FMO5: variants seen among roughly 807,000 people sequenced by gnomAD.
FMO5 encodes flavin containing dimethylaniline monoxygenase 5, also known as flavin-containing monooxygenase 5.
FMO5 carries 51 observed loss-of-function variants against 43.6 expected under a neutral mutation model. The ratio of observed to expected loss-of-function variants is 1.17; its 90% CI spans 0.93 to 1.48. The LOEUF (loss-of-function observed/expected upper bound fraction) is 1.48. Among genes scored for constraint, FMO5 ranks in the 40% most tolerant of loss-of-function variants. The pLI is 0.00. For missense variants in FMO5, 644 were observed against 643.0 expected (o/e 1.00, Z -0.02); for synonymous variants, 187 against 216.5 (o/e 0.86, Z 1.20).
intron 5 of FMO5, 113 bp downstream of exon 5, chr1:147,212,280 C>T (rs1351675312): frequency 9.3e-7 from 1 of 1,076,296 alleles, no homozygotes; most frequent in African/African-American, 1.6e-5. Flanking sequence ...TTGCCACTGG[C>T]ACTGAAGGGC....
chr1:147,198,876 G>GAAAGA (rs1658497106), intron 7 of FMO5, among the ~76,000 whole-genome samples: 2 of 107,836 alleles, frequency 1.9e-5, no homozygotes, highest in Admixed American at 1.9e-4. Context: ...AAAAAAAAAA[G>GAAAGA]AAAGAAAGAT....
chr1:147,191,534 T>G (rs1656814022), intron 7 of FMO5, among the ~76,000 whole-genome samples: 2 of 143,888 alleles, frequency 1.4e-5, no homozygotes, highest in Admixed American at 7.1e-5. Flanking sequence ...TGGGGTTGTT[T>G]GTTTTTTTCT....
In FMO5 at chr1:147,186,596, T is replaced by G. The variant is rs1655658464; in HGVS notation, c.*304A>C. The G allele has an allele frequency of 2.8e-6, 3 of 1,074,810 alleles. No homozygotes were observed. The Admixed American group carries it at 1.5e-4, about 53-fold the overall frequency. 66.6% of individuals were successfully genotyped at this position (1,074,810 alleles called of 1,614,324 possible). On this transcript the variant is annotated 3_prime_UTR_variant, in exon 9 of 9. Transcript: ENST00000254090. ...AATTTGATAAACAACAAACATTTAT[T>G]AAGCACCTACCACATGTCAAGAACT...
At chr1:147,209,895 C>T (rs916735334) in intron 5 of FMO5, 11 of 152,138 alleles carry the variant, frequency 7.2e-5, no homozygotes, top group Non-Finnish European at 1.0e-4. Context: ...TACAAAAACC[C>T]CTGCTATTTA....
chr1:147,199,715 C>T (rs782724305), intron 7 of FMO5, among the ~76,000 whole-genome samples: 18 of 152,084 alleles, frequency 1.2e-4, no homozygotes, highest in Admixed American at 2.6e-4. Context: ...GGGCTATTTG[C>T]GTTTGACTAC....
intron 7 of FMO5, among the ~76,000 whole-genome samples, chr1:147,196,934 T>C (rs1658117571): frequency 6.6e-6 from 1 of 152,182 alleles, no homozygotes; most frequent in African/African-American, 2.4e-5. Flanking sequence ...TCTCATGCTG[T>C]CTTACTGAGA....
chr1:147,197,850 C>G (rs1050039666), intron 7 of FMO5, among the ~76,000 whole-genome samples: 1 of 152,144 alleles, frequency 6.6e-6, no homozygotes, highest in Admixed American at 6.5e-5. Flanking sequence ...ATTTGCTTCT[C>G]CAGCCCCTAG....
chr1:147,207,252 T>C (rs1306428869), intron 6 of FMO5, among the ~76,000 whole-genome samples: 1 of 152,166 alleles, frequency 6.6e-6, no homozygotes, highest in Admixed American at 6.5e-5. Context: ...GTATGTATGC[T>C]CTATATGTAT....
chr1:147,184,408 C>T (rs1184080133), downstream of FMO5: 3 of 1,330,112 alleles, frequency 2.3e-6, no homozygotes, highest in Admixed American at 1.1e-4. This position sits in a 1 kb window ranked among gnomAD's most constrained non-coding sequence, Gnocchi z 4.4. Context: ...AAAATGCATA[C>T]TTTATTAATA....
At chr1:147,196,291 C>T (rs6660848) in intron 7 of FMO5, among the ~76,000 whole-genome samples, 5,617 of 152,126 alleles carry the variant, frequency 0.037, 156 homozygotes, top group South Asian at 0.096. Flanking sequence ...TATTATTTAT[C>T]ATCATAAATC....
chr1:147,206,070 G>GA (rs1462595860), intron 6 of FMO5, among the ~76,000 whole-genome samples: 2 of 150,682 alleles, frequency 1.3e-5, no homozygotes, highest in East Asian at 1.9e-4. Flanking sequence ...AAATTTACAA[G>GA]AAAAAAACAA....
chr1:147,216,587 G>A (rs1247217704), intron 2 of FMO5, among the ~76,000 whole-genome samples: 1 of 152,104 alleles, frequency 6.6e-6, no homozygotes, highest in African/African-American at 2.4e-5. Context: ...AAAATATTCA[G>A]CATCGCTTAG....
At chr1:147,217,024 TG>T (rs1553925180) in intron 2 of FMO5, among the ~76,000 whole-genome samples, 3 of 152,110 alleles carry the variant, frequency 2.0e-5, no homozygotes, top group African/African-American at 7.2e-5. Flanking sequence ...GTAGATCATC[TG>T]AGGTCGGGAG....
intron 6 of FMO5, among the ~76,000 whole-genome samples, chr1:147,202,883 C>A (rs949497410): frequency 1.3e-5 from 2 of 152,140 alleles, no homozygotes; most frequent in African/African-American, 4.8e-5. Flanking sequence ...GGTCACCAAG[C>A]CTTTTCCCTT....
At chr1:147,190,877 CCTGTGTCCATCTGTT>C (rs1178160645) in intron 7 of FMO5, among the ~76,000 whole-genome samples, 16 of 152,036 alleles carry the variant, frequency 1.1e-4, no homozygotes, top group South Asian at 4.2e-4. Flanking sequence ...TGTTCCCCTT[CCTGTGTCCATCTGTT>C]CTGATTGTTC....
chr1:147,204,782 C>A (rs1007579728), intron 6 of FMO5: 18 of 1,582,432 alleles, frequency 1.1e-5, no homozygotes, highest in Non-Finnish European at 1.5e-5. Context: ...TTTTTCATTC[C>A]ATTTCGTCCA....
chr1:147,217,929 T>C (rs1343110570), intron 2 of FMO5, among the ~76,000 whole-genome samples: 1 of 152,180 alleles, frequency 6.6e-6, no homozygotes, highest in Non-Finnish European at 1.5e-5. Flanking sequence ...GCATCCACAA[T>C]GATAAATAGC....
intron 2 of FMO5, among the ~76,000 whole-genome samples, chr1:147,221,443 T>G (rs1553926253): frequency 6.6e-6 from 1 of 152,238 alleles, no homozygotes; most frequent in Non-Finnish European, 1.5e-5. Flanking sequence ...AAAGCTTATT[T>G]AAACATGTTT....
At chr1:147,215,417 G>T (rs1661823007) in intron 3 of FMO5, 1 of 199,670 alleles carries the variant, frequency 5.0e-6, no homozygotes, top group Admixed American at 5.6e-5. Flanking sequence ...TGGAACCAGA[G>T]AGTTTTAAAG....
Sources: allele counts gnomAD v4.1 joint callset (sites outside exome capture counted in the v4.1 genomes callset), GRCh38; gene constraint gnomAD v4.1.1; non-coding constraint Gnocchi (gnomAD v3.1); transcripts MANE v1.5; gene names NCBI Gene and HGNC (gene_info 2026-07-23, HGNC 2026-07-21).